The following ERC1 variants were observed in gnomAD, a reference collection of about 807,000 sequenced individuals.
The protein encoded by ERC1 is ELKS/RAB6-interacting/CAST family member 1.
ERC1 carries 56 observed loss-of-function variants against 132.0 expected under a neutral mutation model. That is an observed-to-expected ratio of 0.42 (90% CI 0.34 to 0.53). ERC1 has a LOEUF of 0.53. ERC1 is among the 20% of genes least tolerant of loss of function. The pLI is 0.03. For missense variants in ERC1, 1,202 were observed against 1,349.9 expected (o/e 0.89, Z 1.72); for synonymous variants, 478 against 476.1 (o/e 1.00, Z -0.05).
In ERC1 at chr12:1,248,101, G is replaced by A. The variant is rs2076265482; in HGVS notation, c.2487+11197G>A. Among the ~76,000 whole-genome samples the A allele has an allele frequency of 3.3e-5, 5 of 152,174 alleles. No individual in the cohort carries two copies. The South Asian group carries it at 8.3e-4, about 25-fold the overall frequency. On this transcript the variant is annotated intron_variant, in intron 13 of 18. Coordinates refer to ENST00000360905, the MANE Select transcript of ERC1 (RefSeq NM_178040.4). ...ATGTAATATGGCTATTATCAGTAGA[G>A]TTATACCTAGACCTAGAGATGAACC...
intron 8 of ERC1, among the ~76,000 whole-genome samples, chr12:1,163,216 GAT>G (rs920666427): frequency 3.9e-5 from 6 of 152,148 alleles, no homozygotes; most frequent in African/African-American, 1.4e-4. Flanking sequence ...CTATACAAGT[GAT>G]ATTTTATAAT....
At chr12:1,311,547 C>T (rs1247533082) in intron 15 of ERC1, among the ~76,000 whole-genome samples, 4 of 152,110 alleles carry the variant, frequency 2.6e-5, no homozygotes, top group Non-Finnish European at 5.9e-5. Context: ...ACATAGTTGT[C>T]CTATTAATGG....
intron 18 of ERC1, among the ~76,000 whole-genome samples, chr12:1,487,800 G>GA (rs1350959746): frequency 2.9e-4 from 31 of 107,626 alleles, no homozygotes; most frequent in African/African-American, 1.0e-3. Flanking sequence ...AAGAAGGAAA[G>GA]AAAAGAAACG....
chr12:1,247,464 A>G (rs1447363098), intron 13 of ERC1, among the ~76,000 whole-genome samples: 1 of 152,214 alleles, frequency 6.6e-6, no homozygotes, highest in Non-Finnish European at 1.5e-5. Context: ...TATGTTCATA[A>G]TTAATTCAGA....
intron 14 of ERC1, among the ~76,000 whole-genome samples, chr12:1,286,307 A>AG (rs1313364078): frequency 6.6e-6 from 1 of 151,606 alleles, no homozygotes; most frequent in African/African-American, 2.4e-5. Flanking sequence ...AAAAAAAAAA[A>AG]AAAAGAAAAC....
chr12:1,266,460 A>G (rs1180904258), intron 14 of ERC1, among the ~76,000 whole-genome samples: 3 of 118,208 alleles, frequency 2.5e-5, no homozygotes, highest in African/African-American at 1.0e-4. Context: ...GCTGGAGTGT[A>G]ATGGCATGAT....
intron 12 of ERC1, among the ~76,000 whole-genome samples, chr12:1,208,115 C>T (rs1957512237): frequency 6.6e-6 from 1 of 152,156 alleles, no homozygotes; most frequent in Non-Finnish European, 1.5e-5. Flanking sequence ...TTTCACAGAT[C>T]AGAAAATTGA....
chr12:1,174,937 G>A (rs548309268), intron 8 of ERC1, among the ~76,000 whole-genome samples: 1 of 152,304 alleles, frequency 6.6e-6, no homozygotes. Context: ...TGCAGATTCA[G>A]TTCCAGACCA....
chr12:1,412,071 C>T (rs565852045), intron 17 of ERC1, among the ~76,000 whole-genome samples: 2 of 152,322 alleles, frequency 1.3e-5, no homozygotes, highest in Non-Finnish European at 2.9e-5. Context: ...CCATAACTGG[C>T]GTTTCTATGA....
intron 16 of ERC1, among the ~76,000 whole-genome samples, chr12:1,407,002 G>C (rs954632621): frequency 1.3e-5 from 2 of 152,118 alleles, no homozygotes; most frequent in East Asian, 3.8e-4. Flanking sequence ...ACATATTGCT[G>C]TTTGATTTTA....
At chr12:1,127,040 G>T (rs936309679) in intron 7 of ERC1, among the ~76,000 whole-genome samples, 1 of 146,644 alleles carries the variant, frequency 6.8e-6, no homozygotes, top group Non-Finnish European at 1.5e-5. Flanking sequence ...AGACTATAGG[G>T]AGAGGGAAGG....
chr12:1,430,092 G>A (rs2092748676), intron 17 of ERC1, among the ~76,000 whole-genome samples: 2 of 152,134 alleles, frequency 1.3e-5, no homozygotes, highest in South Asian at 4.1e-4. Context: ...CCCACAGTTT[G>A]TGCCACCTAT....
intron 14 of ERC1, among the ~76,000 whole-genome samples, chr12:1,279,675 T>A (rs936443882): frequency 5.7e-5 from 8 of 140,092 alleles, no homozygotes; most frequent in African/African-American, 1.8e-4. Context: ...TTTTTTTTAA[T>A]TTTATTTTAT....
intron 17 of ERC1, chr12:1,410,515 C>T: frequency 1.5e-6 from 1 of 649,306 alleles, no homozygotes; most frequent in Non-Finnish European, 2.4e-6. Context: ...TTTCTTTTTA[C>T]ACAGTAACTC....
intron 15 of ERC1, among the ~76,000 whole-genome samples, chr12:1,310,247 G>T (rs1232722646): frequency 3.6e-5 from 3 of 84,440 alleles, no homozygotes; most frequent in Non-Finnish European, 8.0e-5. Flanking sequence ...TTATTTTGAG[G>T]AACAGTTTTG....
intron 2 of ERC1, among the ~76,000 whole-genome samples, chr12:1,062,030 A>T (rs1593034300): frequency 8.4e-6 from 1 of 119,666 alleles, no homozygotes; most frequent in African/African-American, 3.4e-5. Flanking sequence ...TTGCTCTGTC[A>T]CCCAGGCTGG....
At chr12:1,111,122 G>A (rs978567911) in intron 5 of ERC1, among the ~76,000 whole-genome samples, 2 of 152,142 alleles carry the variant, frequency 1.3e-5, no homozygotes, top group African/African-American at 4.8e-5. Context: ...TTGCTGTCAG[G>A]TTTATTGCTT....
At chr12:1,196,070 A>T (rs868549159) in intron 12 of ERC1, among the ~76,000 whole-genome samples, 8 of 151,992 alleles carry the variant, frequency 5.3e-5, no homozygotes, top group South Asian at 2.1e-4. Flanking sequence ...ACTCCCCCAA[A>T]TCAGGAATAA....
intron 11 of ERC1, among the ~76,000 whole-genome samples, chr12:1,184,190 T>C (rs1180453049): frequency 1.3e-5 from 2 of 151,864 alleles, no homozygotes; most frequent in African/African-American, 4.8e-5. Flanking sequence ...ATTTTCTAAT[T>C]TAACATATGT....
Sources: gnomAD v4.1 joint callset for allele counts (sites outside exome capture counted in the v4.1 genomes callset) on GRCh38, gnomAD v4.1.1 for gene constraint, MANE v1.5 for transcripts, NCBI Gene and HGNC (gene_info 2026-07-23, HGNC 2026-07-21) for gene names.